The following KCTD8 variants were observed in gnomAD, a reference collection of about 807,000 sequenced individuals.
The protein encoded by KCTD8 is BTB/POZ domain-containing protein KCTD8.
KCTD8 carries 27 observed loss-of-function variants against 31.5 expected under a neutral mutation model. The observed-to-expected ratio is 0.86, with a 90% CI of 0.63 to 1.18. KCTD8 has a LOEUF of 1.18. Ranked by LOEUF, KCTD8 falls within the 50% of genes most tolerant of loss-of-function variation. The pLI, the probability that KCTD8 is intolerant of heterozygous loss-of-function variation, is 0.00. For synonymous variants in KCTD8, 290 were observed against 280.0 expected, an observed-to-expected ratio of 1.04 and a Z score of -0.36; for missense variants, 658 against 647.7, an observed-to-expected ratio of 1.02 and a Z score of -0.17.
chr4:44,376,926 G>A (rs1468569158), intron 1 of KCTD8, among the ~76,000 whole-genome samples: 2 of 152,150 alleles, frequency 1.3e-5, no homozygotes, highest in Non-Finnish European at 2.9e-5. Flanking sequence ...TCACTGGGTT[G>A]GTTGAGTACA....
intron 1 of KCTD8, among the ~76,000 whole-genome samples, chr4:44,334,727 A>C (rs1408642874): frequency 1.3e-5 from 2 of 152,138 alleles, no homozygotes; most frequent in Non-Finnish European, 2.9e-5. Flanking sequence ...TAATCTGGTC[A>C]CAAAGGAATA....
At chr4:44,182,101 C>T (rs1412783331) in intron 1 of KCTD8, among the ~76,000 whole-genome samples, 3 of 151,688 alleles carry the variant, frequency 2.0e-5, no homozygotes, top group South Asian at 2.1e-4. Context: ...GCCCGACAGC[C>T]GCCCCGTCCG....
At chr4:44,332,537 T>C (rs975418628) in intron 1 of KCTD8, among the ~76,000 whole-genome samples, 6 of 152,138 alleles carry the variant, frequency 3.9e-5, no homozygotes, top group East Asian at 1.9e-4. Context: ...AACTAGTTGT[T>C]GACTTCATCT....
chr4:44,347,777 T>C (rs900602897), intron 1 of KCTD8, among the ~76,000 whole-genome samples: 4 of 152,212 alleles, frequency 2.6e-5, no homozygotes, highest in Non-Finnish European at 5.9e-5. Context: ...TAAAATCAGC[T>C]GTGAATTTAG....
chr4:44,380,528 T>C (rs958748009), intron 1 of KCTD8, among the ~76,000 whole-genome samples: 2 of 151,680 alleles, frequency 1.3e-5, no homozygotes, highest in African/African-American at 4.8e-5. Flanking sequence ...GATCAAATAA[T>C]TTTAATTATT....
At chr4:44,356,809 A>C (rs1029375028) in intron 1 of KCTD8, among the ~76,000 whole-genome samples, 5 of 152,106 alleles carry the variant, frequency 3.3e-5, no homozygotes, top group Non-Finnish European at 5.9e-5. Flanking sequence ...AGTCCACTAC[A>C]ATTTATGTCA....
chr4:44,225,899 C>A (rs1407407601), intron 1 of KCTD8, among the ~76,000 whole-genome samples: 2 of 147,318 alleles, frequency 1.4e-5, no homozygotes, highest in African/African-American at 5.1e-5. Context: ...CGGCTCACTG[C>A]AAGCTCCACC....
At chr4:44,384,803 C>T (rs1220045510) in intron 1 of KCTD8, among the ~76,000 whole-genome samples, 1 of 151,634 alleles carries the variant, frequency 6.6e-6, no homozygotes, top group Admixed American at 6.6e-5. Flanking sequence ...AAGTTCTCAA[C>T]ACAAAAAGGG....
intron 1 of KCTD8, among the ~76,000 whole-genome samples, chr4:44,234,365 C>G (rs1011820824): frequency 1.3e-5 from 2 of 152,158 alleles, no homozygotes; most frequent in African/African-American, 4.8e-5. Context: ...TAAAACACCT[C>G]AGGGCAGATG....
intron 1 of KCTD8, among the ~76,000 whole-genome samples, chr4:44,181,151 C>T (rs371013310): frequency 4.2e-4 from 63 of 151,250 alleles, no homozygotes; most frequent in Admixed American, 9.2e-4. Flanking sequence ...CTAGATCCCT[C>T]TCCCTCTCCC....
chr4:44,290,362 T>C (rs1355735982), intron 1 of KCTD8, among the ~76,000 whole-genome samples: 1 of 152,066 alleles, frequency 6.6e-6, no homozygotes, highest in Non-Finnish European at 1.5e-5. Context: ...CACACAATAA[T>C]AGTAGGAGAC....
intron 1 of KCTD8, among the ~76,000 whole-genome samples, chr4:44,271,515 C>G (rs1202123742): frequency 6.6e-6 from 1 of 152,034 alleles, no homozygotes; most frequent in Non-Finnish European, 1.5e-5. Context: ...GGTCCCAAAA[C>G]TGGCCATAAA....
At chr4:44,369,666 A>C (rs1224506843) in intron 1 of KCTD8, among the ~76,000 whole-genome samples, 7 of 152,130 alleles carry the variant, frequency 4.6e-5, no homozygotes, top group African/African-American at 1.7e-4. Context: ...GCATGGTGGC[A>C]CATGCTTGCA....
At chr4:44,180,764 G>A (rs1245066661) in intron 1 of KCTD8, among the ~76,000 whole-genome samples, 9 of 152,084 alleles carry the variant, frequency 5.9e-5, no homozygotes, top group African/African-American at 2.4e-5. Context: ...GTTCTTTTTG[G>A]TTAATATTTT....
chr4:44,436,680 C>A (rs58814985), intron 1 of KCTD8, among the ~76,000 whole-genome samples: 17,138 of 151,902 alleles, frequency 0.11, 2,077 homozygotes, highest in African/African-American at 0.29. Flanking sequence ...AAAAAAGAAA[C>A]AGACATGAAG....
At chr4:44,180,405 A>G (rs1713344451) in intron 1 of KCTD8, among the ~76,000 whole-genome samples, 1 of 152,226 alleles carries the variant, frequency 6.6e-6, no homozygotes, top group Non-Finnish European at 1.5e-5. Flanking sequence ...ATATTGGAAC[A>G]ATTAATCAAC....
At chr4:44,338,382 G>C (rs1048739203) in intron 1 of KCTD8, among the ~76,000 whole-genome samples, 1 of 152,134 alleles carries the variant, frequency 6.6e-6, no homozygotes, top group African/African-American at 2.4e-5. Context: ...AAAGGTAAGT[G>C]AAGGTTTAAC....
intron 1 of KCTD8, among the ~76,000 whole-genome samples, chr4:44,384,953 T>C (rs1720170308): frequency 6.6e-6 from 1 of 150,608 alleles, no homozygotes; most frequent in Non-Finnish European, 1.5e-5. Context: ...GCAAGAAAAT[T>C]TTAAAAATAT....
chr4:44,296,894 G>T lies in KCTD8; in HGVS notation c.962-121644C>A, dbSNP rs7665717. The stretch of plus-strand genomic sequence containing the variant: ...CTCAGGGTCACAGAGTCCATGTTAC[G>T]TGAGGTCTAATCTGAAACACTCCAT... On this transcript the variant is annotated intron_variant, in intron 1 of 1. Coordinates refer to ENST00000360029, the MANE Select transcript of KCTD8 (RefSeq NM_198353.3). Among the ~76,000 whole-genome samples the T allele has an allele frequency of 8.5e-3, 1,288 of 151,808 alleles. 22 individuals carry two copies. Among genetic ancestry groups the T allele is most frequent in the African/African-American group, 0.029 (1,205 of 41,458 alleles).
Sources: allele counts gnomAD v4.1 joint callset (sites outside exome capture counted in the v4.1 genomes callset), GRCh38; gene constraint gnomAD v4.1.1; transcripts MANE v1.5; gene names NCBI Gene and HGNC (gene_info 2026-07-23, HGNC 2026-07-21).